The following DIAPH2 variants were observed in gnomAD, a reference collection of about 807,000 sequenced individuals.
The protein encoded by DIAPH2 is diaphanous related formin 2.
Under a neutral mutation model 92.7 loss-of-function variants are expected in DIAPH2, and 35 were observed. The ratio of observed to expected loss-of-function variants is 0.38; its 90% CI spans 0.29 to 0.50. The LOEUF (loss-of-function observed/expected upper bound fraction) is 0.50. Among genes scored for constraint, DIAPH2 ranks in the 20% least tolerant of loss-of-function variants. The probability of loss-of-function intolerance (pLI) is 0.94; values close to 1 mark genes in which losing one functional copy is unlikely to be tolerated. For synonymous variants in DIAPH2, 301 were observed against 280.4 expected (o/e 1.07, Z -0.73); for missense variants, 701 against 819.5 (o/e 0.86, Z 1.77).
At chrX:97,290,662 G>C (rs185026295) in intron 23 of DIAPH2, among the ~76,000 whole-genome samples, 11 of 112,542 alleles carry the variant, frequency 9.8e-5, no homozygotes, top group African/African-American at 3.2e-4. Context: ...TCCTGAGGGT[G>C]ATGTGGGACC....
intron 23 of DIAPH2, among the ~76,000 whole-genome samples, chrX:97,318,482 CTTTTTTTTTTTT>C (rs745350367): frequency 6.5e-5 from 3 of 46,326 alleles, no homozygotes; most frequent in African/African-American, 2.7e-4. Context: ...TTTTTCTTTA[CTTTTTTTTTTTT>C]TTTTTTTTTT....
intron 9 of DIAPH2, among the ~76,000 whole-genome samples, chrX:96,919,468 C>G (rs2065526699): frequency 9.0e-6 from 1 of 111,053 alleles, no homozygotes; most frequent in Admixed American, 9.6e-5. Context: ...ATTTAATGTA[C>G]CATGGAAAAT....
At chrX:97,527,825 A>G (rs1382881101) in intron 26 of DIAPH2, among the ~76,000 whole-genome samples, 1 of 111,931 alleles carries the variant, frequency 8.9e-6, no homozygotes, top group East Asian at 2.8e-4. Context: ...ATTTTTGAAG[A>G]CTTCAAATGA....
chrX:97,185,045 G>C (rs954514865), intron 22 of DIAPH2, among the ~76,000 whole-genome samples: 1 of 106,311 alleles, frequency 9.4e-6, no homozygotes, highest in South Asian at 4.2e-4. Context: ...TTGGGAGGCC[G>C]AGGCAGGTGG....
intron 1 of DIAPH2, among the ~76,000 whole-genome samples, chrX:96,715,801 A>C (rs1043015041): frequency 9.0e-6 from 1 of 111,697 alleles, no homozygotes; most frequent in Non-Finnish European, 1.9e-5. Context: ...TATGTATTTA[A>C]ACATAGCCAA....
chrX:96,998,086 G>A (rs1344551877), intron 17 of DIAPH2, among the ~76,000 whole-genome samples: 1 of 112,002 alleles, frequency 8.9e-6, no homozygotes, highest in Non-Finnish European at 1.9e-5. Flanking sequence ...TATAGAGGCA[G>A]CAAATGCTTT....
rs757274818 is a variant in DIAPH2 at position 97,429,727 on chromosome X, C to T, written c.3223C>T (p.Arg1075Trp). 7 of 1,205,395 alleles carry T rather than the reference C, an allele frequency of 5.8e-6. No individual in the cohort carries two copies. The East Asian group carries it at 8.9e-5, about 15-fold the overall frequency. Reference protein sequence around the residue: ...SGAAFRDRRKRIPRNPDNRRV... With the variant: ...SGAAFRDRRKWIPRNPDNRRV... ...TGCAGCATTCAGAGACCGTCGAAAGCGGATTCCAAGGAATCCAGGTAAAAC... is the reference window on the plus strand; with the variant it reads ...TGCAGCATTCAGAGACCGTCGAAAGTGGATTCCAAGGAATCCAGGTAAAAC... The change falls in exon 26 of 27, where the codon CGG becomes TGG. Residue 1075 changes from arginine (R) to tryptophan (W), a missense_variant. Around this residue, in one of 3 missense-constraint regions of DIAPH2, gnomAD observed 536 missense variants for 599.3 expected, o/e 0.89. Transcript: ENST00000324765.
At position 96,860,206 on chromosome X, in the gene DIAPH2, A is replaced by G. The variant is rs186801684; in HGVS notation, c.448-21373A>G. On this transcript the variant is annotated intron_variant, in intron 4 of 26. Transcript: ENST00000324765. ...ATAAATAAAAGCTAAACTGTATAGA[A>G]TGCTGTAAAATATAAAACACTCAGA... Among the ~76,000 whole-genome samples, 7 of 112,250 alleles carry G rather than the reference A, an allele frequency of 6.2e-5. No homozygotes were observed. In the Admixed American group the frequency reaches 6.6e-4, roughly 11 times the overall value.
chrX:97,585,952 T>C (rs1334087652), intron 26 of DIAPH2, among the ~76,000 whole-genome samples: 1 of 112,347 alleles, frequency 8.9e-6, no homozygotes. Context: ...GTAATGGTTC[T>C]TTCTATGCCT....
chrX:97,198,167 G>A (rs1362854348), intron 22 of DIAPH2, among the ~76,000 whole-genome samples: 1 of 108,699 alleles, frequency 9.2e-6, no homozygotes, highest in African/African-American at 3.4e-5. Flanking sequence ...CTCATTAGAC[G>A]ACTCTAGAGA....
chrX:97,239,930 G>T (rs974210440), intron 22 of DIAPH2, among the ~76,000 whole-genome samples: 1 of 109,441 alleles, frequency 9.1e-6, no homozygotes, highest in Non-Finnish European at 1.9e-5. Flanking sequence ...AATATTAGAA[G>T]TAGTGTAGGC....
At chrX:96,709,670 T>G (rs1602443421) in intron 1 of DIAPH2, among the ~76,000 whole-genome samples, 1 of 112,070 alleles carries the variant, frequency 8.9e-6, no homozygotes, top group East Asian at 2.8e-4. Flanking sequence ...TTACCAACTT[T>G]AAAAAAATTA....
intron 16 of DIAPH2, among the ~76,000 whole-genome samples, chrX:96,963,268 G>T (rs1269351465): frequency 9.0e-6 from 1 of 111,298 alleles, no homozygotes; most frequent in Non-Finnish European, 1.9e-5. Flanking sequence ...CTCATTGCTG[G>T]ATCTAGCCAG....
chrX:96,826,541 T>A, intron 4 of DIAPH2, among the ~76,000 whole-genome samples: 1 of 111,293 alleles, frequency 9.0e-6, no homozygotes, highest in Non-Finnish European at 1.9e-5. Flanking sequence ...GTTACCAATA[T>A]GTGAATTACC....
chrX:97,136,261 G>A lies in DIAPH2; in HGVS notation c.2590-5404G>A, dbSNP rs144366011. Among the ~76,000 whole-genome samples, 284 of 111,778 alleles carry A rather than the reference G, an allele frequency of 2.5e-3. 1 individual carries two copies. Among genetic ancestry groups the A allele is most frequent in the Admixed American group, 0.025 (260 of 10,523 alleles). On this transcript the variant is annotated intron_variant, in intron 21 of 26. Coordinates refer to ENST00000324765, the MANE Select transcript of DIAPH2 (RefSeq NM_006729.5). Reference sequence around the variant, plus strand: ...AACACTTCTTATCTGGATGATGATGGTACCCATGATAACATGCTATCTTAT... The same window carrying A: ...AACACTTCTTATCTGGATGATGATGATACCCATGATAACATGCTATCTTAT...
intron 26 of DIAPH2, among the ~76,000 whole-genome samples, chrX:97,499,548 A>T (rs1474770361): frequency 8.9e-6 from 1 of 111,824 alleles, no homozygotes; most frequent in Non-Finnish European, 1.9e-5. Flanking sequence ...GAGATTTCTC[A>T]GAGAACTAAA....
chrX:97,587,067 T>A (rs2071483701), intron 26 of DIAPH2, among the ~76,000 whole-genome samples: 1 of 112,305 alleles, frequency 8.9e-6, no homozygotes, highest in Non-Finnish European at 1.9e-5. Flanking sequence ...TATCTCTGTA[T>A]CCCTCTAGCA....
intron 20 of DIAPH2, among the ~76,000 whole-genome samples, chrX:97,106,635 G>T (rs1008918630): frequency 8.1e-5 from 9 of 111,397 alleles, no homozygotes; most frequent in Non-Finnish European, 1.5e-4. Context: ...CACCACCATA[G>T]AAATTTTTAT....
intron 24 of DIAPH2, among the ~76,000 whole-genome samples, chrX:97,348,499 G>A (rs1286848145): frequency 1.8e-5 from 2 of 111,708 alleles, no homozygotes; most frequent in African/African-American, 6.5e-5. Context: ...CATCTTCAAT[G>A]TTAAGTATAC....
Sources: allele counts gnomAD v4.1 joint callset (sites outside exome capture counted in the v4.1 genomes callset), GRCh38; gene constraint gnomAD v4.1.1; regional missense constraint gnomAD v4.1.1; transcripts MANE v1.5; gene names NCBI Gene and HGNC (gene_info 2026-07-23, HGNC 2026-07-21).